SALL2: variants seen among roughly 807,000 people sequenced by gnomAD.
The protein encoded by SALL2 is spalt like transcription factor 2.
Under a neutral mutation model 58.5 loss-of-function variants are expected in SALL2, and 32 were observed. The observed-to-expected ratio is 0.55, with a 90% CI of 0.41 to 0.74. The LOEUF (loss-of-function observed/expected upper bound fraction) is 0.74. Among genes scored for constraint, SALL2 ranks in the 30% least tolerant of loss-of-function variants. The pLI is 0.00. For synonymous variants in SALL2, 516 were observed against 513.6 expected, an observed-to-expected ratio of 1.00 and a Z score of -0.06; for missense variants, 1,201 against 1,268.9, an observed-to-expected ratio of 0.95 and a Z score of 0.81.
At position 21,522,050 on chromosome 14, in the gene SALL2, T is replaced by A; in HGVS notation, c.*654A>T. ...TGGGCTTCTCAGGCACTGCCTTGGG[T>A]GCAGGAGGCTGAAATAGGAGGGGGG... On this transcript the variant is annotated 3_prime_UTR_variant, in exon 2 of 2. Coordinates refer to ENST00000537235, the MANE Select transcript of SALL2 (RefSeq NM_001364564.1). The A allele has an allele frequency of 6.3e-7, 1 of 1,596,718 alleles. No individual in the cohort carries two copies.
At chr14:21,531,032 C>T (rs1159856330), upstream of SALL2, among the ~76,000 whole-genome samples, 1 of 152,218 alleles carries the variant, frequency 6.6e-6, no homozygotes, top group African/African-American at 2.4e-5. Context: ...CCTCCTTACT[C>T]CTCTTTCCTA....
In SALL2 at chr14:21,525,810, G is replaced by C. The variant is rs1373591511; in HGVS notation, c.68-156C>G. ...GAAGTCTAGAGCTCAGGCCTGATCCGTGTGGACAGGAGACAACCCGGCATG... is the reference window on the plus strand; with the variant it reads ...GAAGTCTAGAGCTCAGGCCTGATCCCTGTGGACAGGAGACAACCCGGCATG... On this transcript the variant is annotated intron_variant, in intron 1 of 1. Coordinates refer to ENST00000537235, the MANE Select transcript of SALL2 (RefSeq NM_001364564.1). The surrounding 1 kb of genome is among the most constrained non-coding windows in gnomAD (Gnocchi z 4.4). Among the ~76,000 whole-genome samples the C allele has an allele frequency of 6.8e-6, 1 of 147,698 alleles. No homozygotes were observed. Among genetic ancestry groups the C allele is most frequent in the African/African-American group, 2.5e-5 (1 of 39,900 alleles).
In SALL2 at chr14:21,526,306, G is replaced by T; in HGVS notation, c.-179C>A. The T allele has an allele frequency of 2.8e-6, 4 of 1,437,268 alleles. No individual in the cohort carries two copies. In the South Asian group the frequency reaches 5.9e-5, roughly 21 times the overall value. The allele number at this position is 1,437,268 out of a possible 1,614,324, so 89.0% of individuals were successfully genotyped here. ...CGGAGGGGGAGGGGAGCGAGGAGGC[G>T]GGGAGAAGCTGGAGTGAGAAAGCGG... On this transcript the variant is annotated 5_prime_UTR_variant, in exon 1 of 2. Transcript: ENST00000537235.
chr14:21,530,281 C>CT (rs34598628), upstream of SALL2, among the ~76,000 whole-genome samples: 1,006 of 64,698 alleles, frequency 0.016, 16 homozygotes, highest in Middle Eastern at 0.019. Context: ...TTTTTTCTTT[C>CT]TTTTTTTTTT....
upstream of SALL2, among the ~76,000 whole-genome samples, chr14:21,529,820 CCT>C (rs1892411508): frequency 6.6e-6 from 1 of 152,158 alleles, no homozygotes; most frequent in South Asian, 2.1e-4. Context: ...AAAAAAAATC[CCT>C]GTGTCCAGGC....
Position 21,523,828 on chromosome 14 carries a change from C to G in SALL2, c.1894G>C (p.Val632Leu). The G allele has an allele frequency of 6.2e-7, 1 of 1,614,212 alleles. No homozygotes were observed. Among genetic ancestry groups the G allele is most frequent in the South Asian group, 1.1e-5 (1 of 91,086 alleles). The stretch of plus-strand genomic sequence containing the variant: ...CAGCTAAGCACTCGGAGACAGATGA[C>G]ACACTGGTTAGGTCCAGAAGAGGCT... ...SSASSGPNQC[V>L]ICLRVLSCPR... is the part of the protein sequence containing the mutation. The change falls in exon 2 of 2, where the codon GTC becomes CTC. Residue 632 changes from valine (V) to leucine (L), a missense_variant. By Grantham distance (32) the Val-to-Leu change is conservative. Around this residue, in one of 3 missense-constraint regions of SALL2, gnomAD observed 675 missense variants for 683.8 expected, o/e 0.99. Coordinates refer to ENST00000537235, the MANE Select transcript of SALL2 (RefSeq NM_001364564.1). The surrounding 1 kb of genome is among the most constrained non-coding windows in gnomAD (Gnocchi z 4.4).
At position 21,526,327 on chromosome 14, in the gene SALL2, A is replaced by C. The variant is rs1247881752; in HGVS notation, c.-200T>G. The C allele has an allele frequency of 2.1e-6, 3 of 1,398,716 alleles. No homozygotes were observed. The highest frequency in any genetic ancestry group is 1.9e-6 in the Non-Finnish European group (2 of 1,078,698). The allele number at this position is 1,398,716 out of a possible 1,614,324, so 86.6% of individuals were successfully genotyped here. A position where few individuals can be genotyped will look rare whatever the true frequency, so the allele number is the denominator to read the frequency against. On this transcript the variant is annotated 5_prime_UTR_variant, in exon 1 of 2. Coordinates refer to ENST00000537235, the MANE Select transcript of SALL2 (RefSeq NM_001364564.1). ...AGGCGGGGAGAAGCTGGAGTGAGAA[A>C]GCGGGGAGAGGGGAGATCTGGGAGG...
upstream of SALL2, among the ~76,000 whole-genome samples, chr14:21,529,096 G>A (rs1273628130): frequency 6.6e-6 from 1 of 152,192 alleles, no homozygotes; most frequent in African/African-American, 2.4e-5. Context: ...ACAGCCACCT[G>A]TAAGAGGAAC....
chr14:21,531,968 G>T (rs924804346), intron 1 of SALL2, among the ~76,000 whole-genome samples: 1 of 152,030 alleles, frequency 6.6e-6, no homozygotes, highest in Non-Finnish European at 1.5e-5. Context: ...GACCTCAAGT[G>T]ATTTGCCCAC....
intron 1 of SALL2, among the ~76,000 whole-genome samples, chr14:21,534,225 C>T (rs112399024): frequency 0.01 from 1,590 of 152,254 alleles, 28 homozygotes; most frequent in African/African-American, 0.036. Flanking sequence ...AATAGAGCCA[C>T]CTCATTTTGC....
chr14:21,521,968 C>T lies in SALL2; in HGVS notation c.*736G>A. 1 of 1,521,592 alleles carries T rather than the reference C, an allele frequency of 6.6e-7. No homozygotes were observed. Among genetic ancestry groups the T allele is most frequent in the South Asian group, 1.2e-5 (1 of 82,576 alleles). 94.3% of individuals were successfully genotyped at this position (1,521,592 alleles called of 1,614,324 possible). On this transcript the variant is annotated 3_prime_UTR_variant, in exon 2 of 2. Transcript: ENST00000537235. ...TACTGGAGCATCTTCAGTACCGGCA[C>T]CTTCTGGAGCAGGGGGAGGAAGAAG...
chr14:21,522,797 A>T lies in SALL2; in HGVS notation c.2925T>A (p.Ile975=). 1 of 1,603,420 alleles carries T rather than the reference A, an allele frequency of 6.2e-7. No individual in the cohort carries two copies. Among genetic ancestry groups the T allele is most frequent in the East Asian group, 2.2e-5 (1 of 44,794 alleles). ...QPFAPHGPQN[I]AALSLVPGCS... is the part of the protein sequence containing the mutation. The stretch of plus-strand genomic sequence containing the variant: ...AGCCAGGGACTAGAGAAAGAGCAGC[A>T]ATATTCTGAGGGCCATGGGGGGCAA... The change falls in exon 2 of 2, where the codon ATT becomes ATA. Residue 975 remains isoleucine (I), a synonymous_variant. Transcript: ENST00000537235.
rs1232317741 is a variant in SALL2, at chr14:21,521,469, A to G, written c.*1235T>C. 6.6e-6 allele frequency: 1 copy of G among 152,638 alleles called. No individual in the cohort carries two copies. The highest frequency in any genetic ancestry group is 1.5e-5 in the Non-Finnish European group (1 of 68,362). 9.5% of individuals were successfully genotyped at this position (152,638 alleles called of 1,614,324 possible). ...CAGGGAATAAAGGAGGGAGTTATCT[A>G]AAACTAGAAGCATACTAGTGCTAGG... is the stretch of plus-strand genomic sequence containing the variant. On this transcript the variant is annotated 3_prime_UTR_variant, in exon 2 of 2. Coordinates refer to ENST00000537235, the MANE Select transcript of SALL2 (RefSeq NM_001364564.1).
Position 21,526,075 on chromosome 14 carries a change from G to A in SALL2, c.53C>T (p.Pro18Leu), listed in dbSNP as rs1025335261. ...CCCTACCGCACCTCCGAGCTCTGCCGGCTCCCCGCAGGGCACCCCGAGACG... is the reference window on the plus strand; with the variant it reads ...CCCTACCGCACCTCCGAGCTCTGCCAGCTCCCCGCAGGGCACCCCGAGACG... ...SSRLGVPCGE[P>L]AELGGDASEE... Residue 18 changes from proline (P) to leucine (L), a missense_variant, in exon 1 of 2, where the codon CCG becomes CTG. Around this residue, in one of 3 missense-constraint regions of SALL2, gnomAD observed 467 missense variants for 468.9 expected, o/e 1.00. Transcript: ENST00000537235. 3.9e-6 allele frequency: 6 copies of A among 1,531,786 alleles called. No individual in the cohort carries two copies. The highest frequency in any genetic ancestry group is 2.4e-5 in the South Asian group (2 of 83,986). The allele number at this position is 1,531,786 out of a possible 1,614,324, so 94.9% of individuals were successfully genotyped here.
rs767204037 is a variant in SALL2 at position 21,523,854 on chromosome 14, G to A, written c.1868C>T (p.Ser623Leu). Residue 623 changes from serine (S) to leucine (L), a missense_variant, in exon 2 of 2, where the codon TCA becomes TTA. Ser to Leu is a moderately radical substitution (Grantham distance 145). Transcript: ENST00000537235. The surrounding 1 kb of genome is among the most constrained non-coding windows in gnomAD (Gnocchi z 4.4). ...ACACTGGTTAGGTCCAGAAGAGGCT[G>A]AGGATGAAGGTGCAGGGGCAGAGGT... ...PTTSAPAPSS[S>L]ASSGPNQCVI... 3 of 1,614,262 alleles carry A rather than the reference G, an allele frequency of 1.9e-6. No homozygotes were observed. In the South Asian group the frequency reaches 3.3e-5, roughly 18 times the overall value.
At chr14:21,536,111 C>A (rs1892589940) in intron 1 of SALL2, among the ~76,000 whole-genome samples, 1 of 152,198 alleles carries the variant, frequency 6.6e-6, no homozygotes, top group African/African-American at 2.4e-5. Context: ...AGAATACATA[C>A]AATTTTTCCC....
In SALL2 at chr14:21,524,701, C is replaced by T. The variant is rs759194170; in HGVS notation, c.1021G>A (p.Ala341Thr). 7 of 1,613,794 alleles carry T rather than the reference C, an allele frequency of 4.3e-6. No individual in the cohort carries two copies. The South Asian group carries it at 5.5e-5, about 13-fold the overall frequency. Residue 341 changes from alanine (A) to threonine (T), a missense_variant, in exon 2 of 2, where the codon GCC (alanine) becomes ACC (threonine). Coordinates refer to ENST00000537235, the MANE Select transcript of SALL2 (RefSeq NM_001364564.1). ...LGAARGLEATASPGLLKPKNG... is the reference protein window; with the variant it reads ...LGAARGLEATTSPGLLKPKNG... Reference sequence around the variant, plus strand: ...TTTGGCTTCAGGAGCCCTGGGGAGGCAGTGGCCTCAAGGCCTCGGGCTGCC... The same window carrying T: ...TTTGGCTTCAGGAGCCCTGGGGAGGTAGTGGCCTCAAGGCCTCGGGCTGCC...
chr14:21,524,886 A>G lies in SALL2; in HGVS notation c.836T>C (p.Leu279Pro). The change falls in exon 2 of 2, where the codon CTG becomes CCG. Residue 279 changes from leucine (L) to proline (P), a missense_variant. Transcript: ENST00000537235. ...AGCAGAGAAAGGATGCTGTGACCCC[A>G]GTGGGTGGTAAAGGTGGAAGAAGGC... is the stretch of plus-strand genomic sequence containing the variant. ...KQAFFHLYHPLGSQHPFSAGG... is the reference protein window; with the variant it reads ...KQAFFHLYHPPGSQHPFSAGG... 1 of 1,614,158 alleles carries G rather than the reference A, an allele frequency of 6.2e-7. No homozygotes were observed. Among genetic ancestry groups the G allele is most frequent in the Non-Finnish European group, 8.5e-7 (1 of 1,180,002 alleles).
At position 21,524,159 on chromosome 14, in the gene SALL2, A is replaced by G. The variant is rs1892176223; in HGVS notation, c.1563T>C (p.Ala521=). Residue 521 remains alanine (A), a synonymous_variant, in exon 2 of 2, where the codon GCT becomes GCC. Transcript: ENST00000537235. ...LMKAVEPKNK[A]DENTPPGSEG... ...CACTCCCTGGGGGGGTGTTTTCATC[A>G]GCTTTATTCTTGGGTTCCACTGCTT... 6.2e-7 allele frequency: 1 copy of G among 1,612,306 alleles called. No homozygotes were observed. The highest frequency in any genetic ancestry group is 1.7e-5 in the Admixed American group (1 of 59,814).
Sources: gnomAD v4.1 joint callset for allele counts (sites outside exome capture counted in the v4.1 genomes callset) on GRCh38, gnomAD v4.1.1 for gene constraint, gnomAD v4.1.1 regional missense constraint, Gnocchi (gnomAD v3.1) non-coding constraint, MANE v1.5 for transcripts, NCBI Gene and HGNC (gene_info 2026-07-23, HGNC 2026-07-21) for gene names.